Variants in THEM4 observed in about 807,000 individuals in gnomAD.
THEM4 encodes acyl-coenzyme A thioesterase THEM4.
Under a neutral mutation model 25.0 loss-of-function variants are expected in THEM4, and 22 were observed. The observed-to-expected ratio is 0.88, with a 90% CI of 0.63 to 1.26. THEM4 has a LOEUF of 1.26. Ranked by LOEUF, THEM4 falls within the 50% of genes most tolerant of loss-of-function variation. The probability of loss-of-function intolerance (pLI) is 0.00; values close to 1 mark genes in which losing one functional copy is unlikely to be tolerated. For missense variants in THEM4, 286 were observed against 300.3 expected (o/e 0.95, Z 0.35); for synonymous variants, 113 against 105.6 (o/e 1.07, Z -0.43).
At chr1:151,886,249 A>G (rs1653968744) in intron 4 of THEM4, among the ~76,000 whole-genome samples, 1 of 152,354 alleles carries the variant, frequency 6.6e-6, no homozygotes, top group African/African-American at 2.4e-5. Context: ...ACAAATGAAC[A>G]GCAATGCAAC....
chr1:151,890,211 C>T, intron 2 of THEM4: 1 of 457,486 alleles, frequency 2.2e-6, no homozygotes, highest in Non-Finnish European at 4.4e-6. Flanking sequence ...GGCCATTAAC[C>T]AGGCTTTAAA....
intron 4 of THEM4, among the ~76,000 whole-genome samples, chr1:151,879,637 TTTTC>T (rs1166228620): frequency 6.6e-6 from 1 of 151,532 alleles, no homozygotes; most frequent in Non-Finnish European, 1.5e-5. Context: ...AAATTCTCCA[TTTTC>T]TTTCTTTCTT....
intron 4 of THEM4, among the ~76,000 whole-genome samples, 153 bp from the exon 5 acceptor site, chr1:151,877,278 T>C (rs1278816206): frequency 6.6e-6 from 1 of 152,328 alleles, no homozygotes; most frequent in East Asian, 1.9e-4. Flanking sequence ...TCAAGGACTC[T>C]GACACCAACA....
intron 4 of THEM4, among the ~76,000 whole-genome samples, chr1:151,878,316 TG>T (rs1294053774): frequency 6.6e-6 from 1 of 152,130 alleles, no homozygotes; most frequent in African/African-American, 2.4e-5. Context: ...TGACCAGTTG[TG>T]GGGGTGGGCA....
At chr1:151,880,253 G>A (rs1010832884) in intron 4 of THEM4, among the ~76,000 whole-genome samples, 1 of 151,816 alleles carries the variant, frequency 6.6e-6, no homozygotes, top group Non-Finnish European at 1.5e-5. Context: ...CGAGGTGGGC[G>A]GATCACGAGG....
chr1:151,887,008 A>G (rs959664585), intron 4 of THEM4, among the ~76,000 whole-genome samples: 2 of 152,262 alleles, frequency 1.3e-5, no homozygotes, highest in Admixed American at 1.3e-4. Context: ...AGAAAATCCT[A>G]AAGATTCCAC....
intron 4 of THEM4, among the ~76,000 whole-genome samples, chr1:151,881,678 G>T (rs1180150954): frequency 6.6e-6 from 1 of 152,162 alleles, no homozygotes; most frequent in Non-Finnish European, 1.5e-5. Context: ...CCAGTGTAAT[G>T]GTGCCCTCTT....
chr1:151,904,209 T>C (rs971221464), intron 1 of THEM4, among the ~76,000 whole-genome samples: 3 of 151,998 alleles, frequency 2.0e-5, no homozygotes, highest in Non-Finnish European at 2.9e-5. Flanking sequence ...TTCATATATG[T>C]AAGGTGGAAA....
chr1:151,884,813 C>G lies in THEM4; in HGVS notation c.557+3460G>C, dbSNP rs1220275305. The stretch of plus-strand genomic sequence containing the variant: ...AAGTGATTCTCCTGCCTCAGCCTCC[C>G]AAGTAGCTGAGATTACAGGTGCGCA... On this transcript the variant is annotated intron_variant, in intron 4 of 5. Coordinates refer to ENST00000368814, the MANE Select transcript of THEM4 (RefSeq NM_053055.5). 4.0e-5 allele frequency among the ~76,000 whole-genome samples: 6 copies of G among 151,856 alleles called. No individual in the cohort carries two copies. In the East Asian group the frequency reaches 9.7e-4, roughly 25 times the overall value.
At position 151,872,436 on chromosome 1, in the gene THEM4, G is replaced by A. The variant is rs913940583; in HGVS notation, c.*2452C>T. ...AAATTTCTAATATGGGGAAAGAAAG[G>A]AAAGAAATGGAAGCCCAAATAATCT... is the stretch of plus-strand genomic sequence containing the variant. On this transcript the variant is annotated 3_prime_UTR_variant, in exon 6 of 6. Transcript: ENST00000368814. Among the ~76,000 whole-genome samples the A allele has an allele frequency of 1.1e-4, 17 of 152,322 alleles. No homozygotes were observed. Among genetic ancestry groups the A allele is most frequent in the African/African-American group, 4.1e-4 (17 of 41,574 alleles).
intron 1 of THEM4, among the ~76,000 whole-genome samples, chr1:151,903,124 A>C (rs554343427): frequency 6.6e-6 from 1 of 152,150 alleles, no homozygotes; most frequent in Non-Finnish European, 1.5e-5. Flanking sequence ...CAGGATTTGT[A>C]ATCTTTTTCC....
At position 151,898,364 on chromosome 1, in the gene THEM4, ATTC is replaced by A. The variant is rs573637117; in HGVS notation, c.100-3173_100-3171del. On this transcript the variant is annotated intron_variant, in intron 1 of 5. Transcript: ENST00000368814. ...GTATGACTCAGCAGAGGCAGCCATA[ATTC>A]TTCTAGGTACACAACTCCAGTGACC... Among the ~76,000 whole-genome samples, 1,347 of 152,156 alleles carry A rather than the reference ATTC, an allele frequency of 8.9e-3. 31 individuals carry two copies. Among genetic ancestry groups the A allele is most frequent in the African/African-American group, 0.031 (1,293 of 41,468 alleles).
intron 4 of THEM4, among the ~76,000 whole-genome samples, chr1:151,881,884 T>C (rs1160076589): frequency 6.6e-6 from 1 of 152,218 alleles, no homozygotes; most frequent in African/African-American, 2.4e-5. Flanking sequence ...ACCCATTATT[T>C]CCTTAAATAC....
intron 5 of THEM4, among the ~76,000 whole-genome samples, chr1:151,875,381 C>T (rs755158099): frequency 3.6e-5 from 1 of 27,664 alleles, no homozygotes; most frequent in African/African-American, 1.3e-4. Context: ...ATTTCTTAAA[C>T]AAGATACAAA....
At chr1:151,882,039 TTC>T (rs151131641) in intron 4 of THEM4, among the ~76,000 whole-genome samples, 4 of 151,706 alleles carry the variant, frequency 2.6e-5, no homozygotes, top group Admixed American at 6.6e-5. Flanking sequence ...AATTTTTTTT[TTC>T]TCTCTCTCTC....
chr1:151,875,315 C>T (rs1469129800), intron 5 of THEM4, among the ~76,000 whole-genome samples: 1 of 152,146 alleles, frequency 6.6e-6, no homozygotes, highest in Admixed American at 6.5e-5. Flanking sequence ...TTATCTTCCA[C>T]CTGCTCCTTA....
chr1:151,895,735 C>A (rs985547180), intron 1 of THEM4, among the ~76,000 whole-genome samples: 1 of 150,748 alleles, frequency 6.6e-6, no homozygotes, highest in Non-Finnish European at 1.5e-5. Flanking sequence ...CCGCTCAAAT[C>A]TCATATTGAA....
At chr1:151,908,186 C>T (rs750335011) in intron 1 of THEM4, among the ~76,000 whole-genome samples, 8 of 152,232 alleles carry the variant, frequency 5.3e-5, no homozygotes, top group Non-Finnish European at 1.2e-4. Context: ...AGACGTTTTG[C>T]TCTTTTGGGA....
At chr1:151,890,835 T>C (rs1159593706) in intron 2 of THEM4, 1 of 152,238 alleles carries the variant, frequency 6.6e-6, no homozygotes, top group South Asian at 2.1e-4. Flanking sequence ...TGCACTACAC[T>C]TTATCCATAC....
Sources: gnomAD v4.1 joint callset for allele counts (sites outside exome capture counted in the v4.1 genomes callset) on GRCh38, gnomAD v4.1.1 for gene constraint, MANE v1.5 for transcripts, NCBI Gene and HGNC (gene_info 2026-07-23, HGNC 2026-07-21) for gene names.